The following EVC2 variants were observed in gnomAD, a reference collection of about 807,000 sequenced individuals.
EVC2 encodes EvC ciliary complex subunit 2.
Under a neutral mutation model 149.3 loss-of-function variants are expected in EVC2, and 148 were observed. The ratio of observed to expected loss-of-function variants is 0.99; its 90% CI spans 0.87 to 1.14. The LOEUF is 1.14. Among genes scored for constraint, EVC2 ranks in the 50% most tolerant of loss-of-function variants. EVC2 has a pLI of 0.00. For missense variants in EVC2, 1,854 were observed against 1,627.3 expected, an observed-to-expected ratio of 1.14 and a Z score of -2.40; for synonymous variants, 776 against 649.9, an observed-to-expected ratio of 1.19 and a Z score of -2.95.
intron 19 of EVC2, among the ~76,000 whole-genome samples, chr4:5,570,259 C>T (rs1038992611): frequency 6.6e-6 from 1 of 152,214 alleles, no homozygotes; most frequent in African/African-American, 2.4e-5. Context: ...ACAGTGACTT[C>T]ATAAACACCC....
chr4:5,681,216 A>G, intron 7 of EVC2, 44 bp downstream of exon 7: 1 of 1,605,882 alleles, frequency 6.2e-7, no homozygotes, highest in Non-Finnish European at 8.5e-7. Flanking sequence ...CCCACACAGC[A>G]CAGGTGTGTC....
intron 9 of EVC2, among the ~76,000 whole-genome samples, chr4:5,644,587 G>A (rs1273133016): frequency 6.6e-6 from 1 of 152,152 alleles, no homozygotes; most frequent in Non-Finnish European, 1.5e-5. Context: ...ACAGGTGTGA[G>A]CCACCGTGTC....
At position 5,609,734 on chromosome 4, in the gene EVC2, C is replaced by T. The variant is rs138425177; in HGVS notation, c.2829+5688G>A. Among the ~76,000 whole-genome samples the T allele has an allele frequency of 1.2e-4, 19 of 152,324 alleles. 1 individual carries two copies. Among genetic ancestry groups the T allele is most frequent in the East Asian group, 1.9e-4 (1 of 5,184 alleles). ...GCATTGTGAAACCATGGGAAATAAC[C>T]GCCATTGTTTGGTGAAAACATTCTT... On this transcript the variant is annotated intron_variant, in intron 16 of 21. Coordinates refer to ENST00000344408, the MANE Select transcript of EVC2 (RefSeq NM_147127.5).
intron 21 of EVC2, among the ~76,000 whole-genome samples, chr4:5,554,159 T>C (rs900605208): frequency 6.6e-6 from 1 of 152,128 alleles, no homozygotes; most frequent in East Asian, 1.9e-4. Flanking sequence ...AGGAAAAAGT[T>C]GAGAAAACTG....
chr4:5,659,166 G>T (rs1328413325), intron 9 of EVC2, among the ~76,000 whole-genome samples: 1 of 152,202 alleles, frequency 6.6e-6, no homozygotes, highest in Non-Finnish European at 1.5e-5. Context: ...GGCTTGAAAT[G>T]AGGGGGCAAT....
chr4:5,663,355 G>T, intron 8 of EVC2, 109 bp from the exon 9 acceptor site: 1 of 1,146,176 alleles, frequency 8.7e-7, no homozygotes, highest in South Asian at 1.2e-5. Flanking sequence ...CACCCAATCA[G>T]CCCCACCACT....
At chr4:5,604,297 T>C (rs1470484272) in intron 16 of EVC2, among the ~76,000 whole-genome samples, 2 of 152,186 alleles carry the variant, frequency 1.3e-5, no homozygotes, top group Non-Finnish European at 2.9e-5. Context: ...ATATCAAAAA[T>C]CTTCAAGTTT....
At chr4:5,675,019 CAG>C (rs1719900587) in intron 7 of EVC2, among the ~76,000 whole-genome samples, 1 of 152,206 alleles carries the variant, frequency 6.6e-6, no homozygotes, top group South Asian at 2.1e-4. Flanking sequence ...ATTTTGCCTA[CAG>C]AGTGACACGG....
At chr4:5,621,229 G>A (rs138775155) in intron 14 of EVC2, among the ~76,000 whole-genome samples, 2 of 152,272 alleles carry the variant, frequency 1.3e-5, no homozygotes, top group East Asian at 3.9e-4. Context: ...AAGATTCTAG[G>A]AGATAACTTC....
rs2108778905 is a variant in EVC2 at position 5,576,416 on chromosome 4, C to G, written c.3096G>C (p.Leu1032=). The G allele has an allele frequency of 6.2e-7, 1 of 1,611,486 alleles. No individual in the cohort carries two copies. The highest frequency in any genetic ancestry group is 8.5e-7 in the Non-Finnish European group (1 of 1,178,776). The part of the protein sequence containing the change: ...QELERKLEDQ[L]VQQEAAQQQQ... ...GCTGCTGGGCTGCCTCCTGCTGCAC[C>G]AGCTGGTCCTCCAGCTTCCTCTCCA... Residue 1032 remains leucine, a synonymous_variant, in exon 18 of 22, where the codon CTG becomes CTC. Coordinates refer to ENST00000344408, the MANE Select transcript of EVC2 (RefSeq NM_147127.5). This position sits in a 1 kb window ranked among gnomAD's most constrained non-coding sequence, Gnocchi z 4.5.
chr4:5,691,015 CT>C (rs1389444859), intron 4 of EVC2, among the ~76,000 whole-genome samples: 1 of 152,112 alleles, frequency 6.6e-6, no homozygotes, highest in Non-Finnish European at 1.5e-5. Context: ...ATATATCAGA[CT>C]TTTTTCCCAT....
intron 12 of EVC2, among the ~76,000 whole-genome samples, chr4:5,627,259 ATATAAT>A (rs1403694143): frequency 6.6e-6 from 1 of 152,202 alleles, no homozygotes; most frequent in Non-Finnish European, 1.5e-5. Flanking sequence ...TGTTTTAGAA[ATATAAT>A]TATGTCTTTT....
chr4:5,643,135 G>A (rs1388190602), intron 9 of EVC2, among the ~76,000 whole-genome samples: 2 of 152,140 alleles, frequency 1.3e-5, no homozygotes, highest in Non-Finnish European at 2.9e-5. Context: ...CCAAAATGTG[G>A]TGTTCTGGCA....
chr4:5,594,320 T>C (rs1273406241), intron 16 of EVC2, among the ~76,000 whole-genome samples: 3 of 152,064 alleles, frequency 2.0e-5, no homozygotes, highest in African/African-American at 4.8e-5. Context: ...GGGAGGCACC[T>C]CCCAGTAGGG....
intron 16 of EVC2, among the ~76,000 whole-genome samples, chr4:5,592,387 C>A (rs1179700711): frequency 6.6e-6 from 1 of 152,184 alleles, no homozygotes; most frequent in African/African-American, 2.4e-5. Flanking sequence ...CTAGCAACAA[C>A]CTCCAGTGGC....
intron 21 of EVC2, among the ~76,000 whole-genome samples, chr4:5,550,483 G>A (rs761361819): frequency 5.3e-5 from 8 of 152,142 alleles, no homozygotes; most frequent in Admixed American, 3.3e-4. Flanking sequence ...TAGGGTATCC[G>A]GCGGAAGAAA....
chr4:5,649,018 A>G (rs1353360712), intron 9 of EVC2, among the ~76,000 whole-genome samples: 1 of 152,184 alleles, frequency 6.6e-6, no homozygotes, highest in Non-Finnish European at 1.5e-5. Flanking sequence ...GCATTGTGCC[A>G]TTTTTAATTA....
At chr4:5,563,592 G>A (rs1356399442) in intron 21 of EVC2, among the ~76,000 whole-genome samples, 4 of 152,016 alleles carry the variant, frequency 2.6e-5, no homozygotes, top group Non-Finnish European at 4.4e-5. Flanking sequence ...CGCCCACATC[G>A]GCCTCTCAAA....
chr4:5,547,627 G>C (rs545512649), intron 21 of EVC2, among the ~76,000 whole-genome samples: 1 of 152,284 alleles, frequency 6.6e-6, no homozygotes, highest in Non-Finnish European at 1.5e-5. Flanking sequence ...GCTGCAGAGA[G>C]GAGCTACCCA....
Sources: gnomAD v4.1 joint callset for allele counts (sites outside exome capture counted in the v4.1 genomes callset) on GRCh38, gnomAD v4.1.1 for gene constraint, Gnocchi (gnomAD v3.1) non-coding constraint, MANE v1.5 for transcripts, NCBI Gene and HGNC (gene_info 2026-07-23, HGNC 2026-07-21) for gene names.